The following SORCS3 variants were observed in gnomAD, a reference collection of about 807,000 sequenced individuals.
SORCS3 encodes sortilin related VPS10 domain containing receptor 3, also known as VPS10 domain-containing receptor SorCS3.
A neutral mutation model predicts 146.3 loss-of-function variants in SORCS3; 57 were observed. The ratio of observed to expected loss-of-function variants is 0.39; its 90% CI spans 0.31 to 0.49. The LOEUF (loss-of-function observed/expected upper bound fraction) is 0.49. Among genes scored for constraint, SORCS3 ranks in the 20% least tolerant of loss-of-function variants. The pLI, the probability that SORCS3 is intolerant of heterozygous loss-of-function variation, is 0.92. For synonymous variants in SORCS3, 653 were observed against 618.5 expected, an observed-to-expected ratio of 1.06 and a Z score of -0.83; for missense variants, 1,341 against 1,575.5, an observed-to-expected ratio of 0.85 and a Z score of 2.52.
chr10:104,752,891 C>T (rs993247613), intron 1 of SORCS3, among the ~76,000 whole-genome samples: 1 of 152,090 alleles, frequency 6.6e-6, no homozygotes, highest in African/African-American at 2.4e-5. Flanking sequence ...GGTTATTCAA[C>T]AACCTTGGAA....
intron 1 of SORCS3, among the ~76,000 whole-genome samples, chr10:104,705,225 GTT>G (rs11361828): frequency 0.22 from 25,981 of 119,874 alleles, 2,447 homozygotes; most frequent in Non-Finnish European, 0.26. Flanking sequence ...GCAGGCCTTC[GTT>G]TTTTTTTTTT....
In SORCS3 at chr10:105,216,927, A is replaced by G. The variant is rs761978373; in HGVS notation, c.2548-9A>G. The G allele has an allele frequency of 1.2e-6, 2 of 1,613,960 alleles. No individual in the cohort carries two copies. The highest frequency in any genetic ancestry group is 1.7e-6 in the Non-Finnish European group (2 of 1,179,986). ...AGTAAATTGACCCGTCTGCTATGCC[A>G]TCTTGCAGGGTGATCTACAAAGGAC... On this transcript the variant is annotated splice_polypyrimidine_tract_variant and intron_variant, in intron 18 of 26. Transcript: ENST00000369701.
chr10:105,013,229 G>A (rs1303689930), intron 4 of SORCS3, among the ~76,000 whole-genome samples: 1 of 152,000 alleles, frequency 6.6e-6, no homozygotes. Flanking sequence ...TAGCAAACTA[G>A]GAGATGAGTA....
At chr10:104,847,443 T>G (rs2018218353) in intron 2 of SORCS3, among the ~76,000 whole-genome samples, 1 of 152,174 alleles carries the variant, frequency 6.6e-6, no homozygotes, top group South Asian at 2.1e-4. Flanking sequence ...TAGCAAGCAA[T>G]TCTCCAGCTT....
intron 20 of SORCS3, 100 bp from the exon 21 acceptor site, chr10:105,245,442 T>C: frequency 1.4e-6 from 2 of 1,433,808 alleles, no homozygotes; most frequent in East Asian, 2.3e-5. Flanking sequence ...TTGTTTGTTT[T>C]TCTTTTCCAA....
chr10:104,688,555 C>T lies in SORCS3; in HGVS notation c.627+46601C>T, dbSNP rs186576568. Among the ~76,000 whole-genome samples, 6 of 152,316 alleles carry T rather than the reference C, an allele frequency of 3.9e-5. No individual in the cohort carries two copies. In the East Asian group the frequency reaches 7.7e-4, roughly 20 times the overall value. ...TTTTCTTCTTGAAAGAAGCAGCCTG[C>T]GGAGCTCTGAGCGTTCTCACCCCTA... On this transcript the variant is annotated intron_variant, in intron 1 of 26. Transcript: ENST00000369701.
chr10:105,100,100 C>G (rs1467954602), intron 6 of SORCS3, among the ~76,000 whole-genome samples: 2 of 152,174 alleles, frequency 1.3e-5, no homozygotes, highest in African/African-American at 2.4e-5. Flanking sequence ...TTACAATGCT[C>G]CCTAAAGGGC....
chr10:104,678,017 G>C (rs1201923312), intron 1 of SORCS3, among the ~76,000 whole-genome samples: 1 of 152,138 alleles, frequency 6.6e-6, no homozygotes, highest in African/African-American at 2.4e-5. Flanking sequence ...CTTCCCAGGA[G>C]CTTGCATTCT....
At chr10:105,212,052 G>A (rs958437394) in intron 17 of SORCS3, among the ~76,000 whole-genome samples, 5 of 152,136 alleles carry the variant, frequency 3.3e-5, no homozygotes, top group South Asian at 2.1e-4. Flanking sequence ...TCTCCCAATG[G>A]ATCTTCTGTC....
intron 13 of SORCS3, among the ~76,000 whole-genome samples, chr10:105,171,446 G>A (rs1323924355): frequency 6.6e-6 from 1 of 152,162 alleles, no homozygotes; most frequent in Non-Finnish European, 1.5e-5. Context: ...GCAGGTAGAC[G>A]AGGGTGTGAC....
intron 19 of SORCS3, among the ~76,000 whole-genome samples, chr10:105,222,044 CTTTTTTT>C (rs34795700): frequency 1.3e-5 from 1 of 76,492 alleles, no homozygotes; most frequent in Non-Finnish European, 2.4e-5. Context: ...TACCTTAACA[CTTTTTTT>C]TTTTTTTTTT....
At chr10:105,033,513 A>G (rs924816495) in intron 4 of SORCS3, among the ~76,000 whole-genome samples, 1 of 152,176 alleles carries the variant, frequency 6.6e-6, no homozygotes, top group East Asian at 1.9e-4. Context: ...GGCAGTTTCT[A>G]TGGGGAGATT....
intron 7 of SORCS3, among the ~76,000 whole-genome samples, chr10:105,116,288 T>TC (rs1422349156): frequency 6.6e-6 from 1 of 152,150 alleles, no homozygotes; most frequent in Non-Finnish European, 1.5e-5. Context: ...GCACTGTGGA[T>TC]CCCCTGTTCC....
chr10:104,713,931 A>G (rs2016447925), intron 1 of SORCS3, among the ~76,000 whole-genome samples: 1 of 152,156 alleles, frequency 6.6e-6, no homozygotes, highest in South Asian at 2.1e-4. Flanking sequence ...AATTTCTTTA[A>G]CAGAAATAGG....
intron 8 of SORCS3, among the ~76,000 whole-genome samples, chr10:105,142,334 T>C (rs1422492188): frequency 1.3e-5 from 2 of 152,172 alleles, no homozygotes; most frequent in Non-Finnish European, 2.9e-5. Context: ...AATGGCTTAT[T>C]GCAGACCCCC....
At chr10:105,061,295 C>CTT (rs34217607) in intron 5 of SORCS3, among the ~76,000 whole-genome samples, 1 of 118,450 alleles carries the variant, frequency 8.4e-6, no homozygotes, top group East Asian at 2.7e-4. Context: ...AGTGGTGTTC[C>CTT]TTTTTTTTTT....
chr10:105,033,296 G>T (rs1400955874), intron 4 of SORCS3, among the ~76,000 whole-genome samples: 1 of 152,186 alleles, frequency 6.6e-6, no homozygotes, highest in African/African-American at 2.4e-5. Flanking sequence ...TAACATAAAA[G>T]ATAGTATGGT....
At chr10:104,702,205 T>C (rs935369110) in intron 1 of SORCS3, among the ~76,000 whole-genome samples, 6 of 152,222 alleles carry the variant, frequency 3.9e-5, no homozygotes, top group African/African-American at 1.4e-4. Flanking sequence ...GGAAACACAC[T>C]GTGTTTTCAT....
intron 2 of SORCS3, among the ~76,000 whole-genome samples, chr10:104,857,217 G>A (rs2133557606): frequency 6.6e-6 from 1 of 151,968 alleles, no homozygotes; most frequent in East Asian, 1.9e-4. Flanking sequence ...TTCAGGGAAG[G>A]TGACCCAAGG....
Sources: allele counts gnomAD v4.1 joint callset (sites outside exome capture counted in the v4.1 genomes callset), GRCh38; gene constraint gnomAD v4.1.1; transcripts MANE v1.5; gene names NCBI Gene and HGNC (gene_info 2026-07-23, HGNC 2026-07-21).